ELOVL7: variants seen among roughly 807,000 people sequenced by gnomAD.
The protein encoded by ELOVL7 is ELOVL fatty acid elongase 7.
Under a neutral mutation model 35.7 loss-of-function variants are expected in ELOVL7, and 27 were observed. The observed-to-expected ratio is 0.76, with a 90% CI of 0.56 to 1.04. The LOEUF (loss-of-function observed/expected upper bound fraction) is 1.04, where lower values mean the gene tolerates loss of function less well. Ranked by LOEUF, ELOVL7 falls within the 50% of genes least tolerant of loss-of-function variation. ELOVL7 has a pLI of 0.00. For synonymous variants in ELOVL7, 113 were observed against 114.6 expected (o/e 0.99, Z 0.09); for missense variants, 327 against 340.8 (o/e 0.96, Z 0.32).
At chr5:60,790,087 AG>A (rs1305905002) in intron 2 of ELOVL7, among the ~76,000 whole-genome samples, 1 of 152,184 alleles carries the variant, frequency 6.6e-6, no homozygotes, top group Admixed American at 6.5e-5. Context: ...CAGTGAGCCA[AG>A]ATTGCGCCAT....
rs1055354092 is a variant in ELOVL7, at chr5:60,797,488, A to C, written c.-35+1692T>G. ...TTAGGCACTTAGCCATACAGAACAC[A>C]GGGCAGAGACAAGAGGTGCCCATGC... On this transcript the variant is annotated intron_variant, in intron 2 of 8. Transcript: ENST00000508821. 2.0e-5 allele frequency among the ~76,000 whole-genome samples: 3 copies of C among 152,362 alleles called. No homozygotes were observed. The East Asian group carries it at 5.8e-4, about 29-fold the overall frequency.
chr5:60,814,975 T>A (rs1001504999), intron 1 of ELOVL7, among the ~76,000 whole-genome samples: 2 of 152,192 alleles, frequency 1.3e-5, no homozygotes, highest in African/African-American at 2.4e-5. Context: ...TGAACTACAT[T>A]GCAGCTAATT....
In ELOVL7 at chr5:60,754,392, T is replaced by TA. The variant is rs1163266712; in HGVS notation, c.*231dup. Reference sequence around the variant, plus strand: ...CCTTTGGATTAGGTTTAAAAGCAGCTAAAAAAACAAAAACAAAAACAAAAA... The same window carrying TA: ...CCTTTGGATTAGGTTTAAAAGCAGCTAAAAAAAACAAAAACAAAAACAAAAA... On this transcript the variant is annotated 3_prime_UTR_variant, in exon 9 of 9. Transcript: ENST00000508821. 2.0e-5 allele frequency: 10 copies of TA among 508,240 alleles called. No individual in the cohort carries two copies. The highest frequency in any genetic ancestry group is 1.3e-4 in the South Asian group (5 of 39,006). 31.5% of individuals were successfully genotyped at this position (508,240 alleles called of 1,614,324 possible).
chr5:60,773,463 G>T (rs1742721688), intron 3 of ELOVL7, among the ~76,000 whole-genome samples: 1 of 152,136 alleles, frequency 6.6e-6, no homozygotes, highest in South Asian at 2.1e-4. Flanking sequence ...CAATTTTAGT[G>T]CTGGAGTGCT....
chr5:60,810,364 AGAT>A lies in ELOVL7; in HGVS notation c.-85-11137_-85-11135del, dbSNP rs1745173336. Among the ~76,000 whole-genome samples, 2 of 152,200 alleles carry A rather than the reference AGAT, an allele frequency of 1.3e-5. 1 individual carries two copies. The highest frequency in any genetic ancestry group is 4.2e-4 in the South Asian group (2 of 4,818). On this transcript the variant is annotated intron_variant, in intron 1 of 8. Transcript: ENST00000508821. ...GGAATCACATACTGAAGGGAAAGGG[AGAT>A]GATGAATTCATTCATTTATTAAAGG...
At chr5:60,784,262 GT>G in intron 3 of ELOVL7, 1 of 631,406 alleles carries the variant, frequency 1.6e-6, no homozygotes, top group Non-Finnish European at 2.5e-6. Flanking sequence ...AAGTATTAAA[GT>G]TTCAGAATGG....
chr5:60,820,759 C>T (rs1745835414), intron 1 of ELOVL7, among the ~76,000 whole-genome samples: 1 of 152,168 alleles, frequency 6.6e-6, no homozygotes, highest in Non-Finnish European at 1.5e-5. Flanking sequence ...CCACTGACCC[C>T]TTAAGACCTG....
intron 1 of ELOVL7, among the ~76,000 whole-genome samples, chr5:60,817,598 A>G (rs1418324503): frequency 6.8e-6 from 1 of 147,392 alleles, no homozygotes; most frequent in Admixed American, 6.8e-5. Context: ...TATATATATT[A>G]GTATATATAT....
At chr5:60,807,285 A>G (rs1744985159) in intron 1 of ELOVL7, among the ~76,000 whole-genome samples, 1 of 152,208 alleles carries the variant, frequency 6.6e-6, no homozygotes, top group Non-Finnish European at 1.5e-5. Flanking sequence ...ATGAGGTGGA[A>G]TGAATCTTGC....
At chr5:60,825,792 C>G (rs1172107748) in intron 1 of ELOVL7, among the ~76,000 whole-genome samples, 1 of 152,212 alleles carries the variant, frequency 6.6e-6, no homozygotes, top group Admixed American at 6.5e-5. Flanking sequence ...TTAATAGTAA[C>G]AGGAGCCAAT....
intron 3 of ELOVL7, among the ~76,000 whole-genome samples, chr5:60,772,556 A>G (rs774304034): frequency 2.0e-5 from 3 of 152,220 alleles, no homozygotes; most frequent in Non-Finnish European, 2.9e-5. Flanking sequence ...GAGTATGCTA[A>G]GACAAGTTTT....
intron 1 of ELOVL7, among the ~76,000 whole-genome samples, chr5:60,810,519 CATG>C (rs1215409470): frequency 2.0e-5 from 3 of 152,214 alleles, no homozygotes; most frequent in Admixed American, 2.0e-4. Context: ...ATTACCTATA[CATG>C]ATTATTCTGT....
intron 2 of ELOVL7, among the ~76,000 whole-genome samples, chr5:60,796,674 C>A (rs1016800100): frequency 1.4e-4 from 22 of 152,176 alleles, no homozygotes; most frequent in African/African-American, 5.1e-4. Context: ...GTCATCAAAA[C>A]AATTTTTGAG....
chr5:60,795,035 A>G (rs985635318), intron 2 of ELOVL7, among the ~76,000 whole-genome samples: 7 of 152,262 alleles, frequency 4.6e-5, no homozygotes, highest in Admixed American at 2.0e-4. Flanking sequence ...CGCAGAAATA[A>G]TAAATCCTTA....
Position 60,829,503 on chromosome 5 carries a change from A to G in ELOVL7, c.-86+14657T>C, listed in dbSNP as rs76678105. Among the ~76,000 whole-genome samples, 1,203 of 152,344 alleles carry G rather than the reference A, an allele frequency of 7.9e-3. 14 individuals are homozygous for G. The highest frequency in any genetic ancestry group is 0.027 in the African/African-American group (1,137 of 41,578). Reference sequence around the variant, plus strand: ...CAAGTACAGAAAATCTGTCTATATCATAAATCCCTCTATCTTTTATATTTA... The same window carrying G: ...CAAGTACAGAAAATCTGTCTATATCGTAAATCCCTCTATCTTTTATATTTA... On this transcript the variant is annotated intron_variant, in intron 1 of 8. Transcript: ENST00000508821.
chr5:60,764,339 T>C lies in ELOVL7; in HGVS notation c.394-7A>G, dbSNP rs201510038. ...TGCGCAGAACAAAAAAGATCTGAAA[T>C]AATTTAAAGAATATCAAGTTCACAG... On this transcript the variant is annotated splice_region_variant and splice_polypyrimidine_tract_variant and intron_variant, in intron 6 of 8. Coordinates refer to ENST00000508821, the MANE Select transcript of ELOVL7 (RefSeq NM_024930.3). The C allele has an allele frequency of 1.9e-6, 3 of 1,591,468 alleles. No individual in the cohort carries two copies. The highest frequency in any genetic ancestry group is 1.7e-4 in the Middle Eastern group (1 of 6,048).
intron 1 of ELOVL7, among the ~76,000 whole-genome samples, chr5:60,818,319 G>GAAAAAAAAAAAAAAAAAAAAAAAAAAAA (rs60141189): frequency 1.4e-5 from 1 of 70,594 alleles, no homozygotes; most frequent in Admixed American, 1.8e-4. Context: ...TTCCATCTCA[G>GAAAAAAAAAAAAAAAAAAAAAAAAAAAA]AAAAAAAAAA....
At chr5:60,808,934 A>G (rs1745099988) in intron 1 of ELOVL7, among the ~76,000 whole-genome samples, 1 of 152,240 alleles carries the variant, frequency 6.6e-6, no homozygotes, top group Non-Finnish European at 1.5e-5. Flanking sequence ...GTTGGAGAAC[A>G]TGTCAGAAGT....
chr5:60,805,090 A>G (rs1056200780), intron 1 of ELOVL7, among the ~76,000 whole-genome samples: 1 of 152,230 alleles, frequency 6.6e-6, no homozygotes, highest in Admixed American at 6.5e-5. Flanking sequence ...ATAATGGAGG[A>G]AAGTGTACAT....
Sources: gnomAD v4.1 joint callset for allele counts (sites outside exome capture counted in the v4.1 genomes callset) on GRCh38, gnomAD v4.1.1 for gene constraint, MANE v1.5 for transcripts, NCBI Gene and HGNC (gene_info 2026-07-23, HGNC 2026-07-21) for gene names.